The following PRKCB variants were observed in gnomAD, a reference collection of about 807,000 sequenced individuals.
The protein encoded by PRKCB is protein kinase C beta.
In PRKCB, 13 loss-of-function variants were observed where a neutral mutation model predicts 81.5. The observed-to-expected ratio is 0.16, with a 90% CI of 0.10 to 0.25. The LOEUF is 0.25. Ranked by LOEUF, PRKCB falls within the 10% of genes least tolerant of loss-of-function variation. The pLI is 1.00. For missense variants in PRKCB, 509 were observed against 875.7 expected (o/e 0.58, Z 5.29); for synonymous variants, 335 against 321.4 (o/e 1.04, Z -0.45).
Position 23,882,008 on chromosome 16 carries a change from T to TTCTTTCTTTCTTTCTTTC in PRKCB, c.205+44618_205+44619insTCTCTTTCTTTCTTTCTT, listed in dbSNP as rs1555481663. ...TTTCTTTCTTTCTTTCTTTCTTTCT[T>TTCTTTCTTTCTTTCTTTC]TCTTTCTTTCTTTCTTCCTTCCTTC... On this transcript the variant is annotated intron_variant, in intron 2 of 16. Transcript: ENST00000643927. Among the ~76,000 whole-genome samples the TTCTTTCTTTCTTTCTTTC allele has an allele frequency of 1.1e-4, 11 of 97,912 alleles. 1 individual carries two copies. Among genetic ancestry groups the TTCTTTCTTTCTTTCTTTC allele is most frequent in the African/African-American group, 2.3e-4 (6 of 25,768 alleles). The allele number at this position is 97,912 out of a possible 152,430, so 64.2% of individuals were successfully genotyped here.
chr16:24,042,676 T>C (rs1965716245), intron 5 of PRKCB, among the ~76,000 whole-genome samples: 1 of 151,684 alleles, frequency 6.6e-6, no homozygotes, highest in Non-Finnish European at 1.5e-5. Context: ...ATTCAAAATT[T>C]ACTTGTAGGG....
At chr16:23,985,845 G>A (rs1964796703) in intron 2 of PRKCB, among the ~76,000 whole-genome samples, 5 of 152,120 alleles carry the variant, frequency 3.3e-5, no homozygotes. Context: ...TATAATTAAA[G>A]CCCATATTGC....
chr16:23,963,050 C>A (rs2141792817), intron 2 of PRKCB: 1 of 152,206 alleles, frequency 6.6e-6, no homozygotes, highest in East Asian at 1.9e-4. Context: ...CCAACTTCAT[C>A]CAAGGTGCTG....
intron 13 of PRKCB, among the ~76,000 whole-genome samples, chr16:24,184,731 A>G (rs1967677266): frequency 6.6e-6 from 1 of 152,250 alleles, no homozygotes; most frequent in African/African-American, 2.4e-5. Flanking sequence ...TTTTAAAAAC[A>G]TGTAACGTAA....
chr16:23,900,258 T>A (rs1963449389), intron 2 of PRKCB, among the ~76,000 whole-genome samples: 1 of 152,168 alleles, frequency 6.6e-6, no homozygotes, highest in Non-Finnish European at 1.5e-5. Flanking sequence ...ACCACTTCCA[T>A]AAAGCCGAGA....
chr16:24,002,797 G>A (rs940637048), intron 3 of PRKCB, among the ~76,000 whole-genome samples: 4 of 152,138 alleles, frequency 2.6e-5, no homozygotes, highest in African/African-American at 7.2e-5. Flanking sequence ...CCATTGTGCA[G>A]TCTACCACAC....
intron 2 of PRKCB, among the ~76,000 whole-genome samples, chr16:23,883,589 G>A (rs1264307255): frequency 6.6e-6 from 1 of 152,206 alleles, no homozygotes; most frequent in South Asian, 2.1e-4. Flanking sequence ...TGGAGCAGAA[G>A]TGGGAGGATG....
intron 3 of PRKCB, among the ~76,000 whole-genome samples, chr16:24,003,371 C>T (rs1965066719): frequency 6.9e-6 from 1 of 145,836 alleles, no homozygotes; most frequent in Non-Finnish European, 1.5e-5. Context: ...AGGAATTAGC[C>T]TTCTTCCTGC....
chr16:23,894,066 T>C (rs1408204491), intron 2 of PRKCB, among the ~76,000 whole-genome samples: 1 of 152,242 alleles, frequency 6.6e-6, no homozygotes, highest in African/African-American at 2.4e-5. Context: ...TGGTTACTTA[T>C]GCATTTGCAA....
chr16:23,989,167 G>C (rs144286711), intron 3 of PRKCB, among the ~76,000 whole-genome samples: 1 of 152,070 alleles, frequency 6.6e-6, no homozygotes, highest in African/African-American at 2.4e-5. Flanking sequence ...GGGTTTCACC[G>C]TGTTAGACAG....
intron 5 of PRKCB, among the ~76,000 whole-genome samples, chr16:24,058,659 G>T (rs9930905): frequency 8.0e-4 from 121 of 151,910 alleles, no homozygotes; most frequent in African/African-American, 2.7e-3. Flanking sequence ...CATGAGAGAA[G>T]CATGAATGTT....
chr16:24,144,585 G>A (rs1966960515), intron 9 of PRKCB, among the ~76,000 whole-genome samples: 1 of 152,250 alleles, frequency 6.6e-6, no homozygotes, highest in East Asian at 1.9e-4. Context: ...ACAGGCATGA[G>A]CCACCAAGCC....
intron 2 of PRKCB, among the ~76,000 whole-genome samples, chr16:23,940,626 A>G (rs1257463987): frequency 6.6e-6 from 1 of 152,060 alleles, no homozygotes. Context: ...AATCATATAT[A>G]TAGATCATAT....
intron 3 of PRKCB, among the ~76,000 whole-genome samples, chr16:24,016,719 A>G (rs944298403): frequency 2.0e-5 from 3 of 152,138 alleles, no homozygotes; most frequent in African/African-American, 7.2e-5. Flanking sequence ...GAAGGCTCAA[A>G]TTACATGTGA....
chr16:24,068,142 C>T (rs368003508), intron 5 of PRKCB, among the ~76,000 whole-genome samples: 9 of 152,224 alleles, frequency 5.9e-5, no homozygotes, highest in African/African-American at 1.9e-4. Flanking sequence ...TGCCAGGGCC[C>T]TCCTTTTAAC....
intron 2 of PRKCB, among the ~76,000 whole-genome samples, chr16:23,938,610 T>A (rs1193934053): frequency 2.0e-5 from 3 of 152,208 alleles, no homozygotes; most frequent in African/African-American, 7.2e-5. Flanking sequence ...GACTGGGAAG[T>A]AGATAACATA....
At chr16:23,952,755 A>G (rs1004438289) in intron 2 of PRKCB, among the ~76,000 whole-genome samples, 5 of 152,286 alleles carry the variant, frequency 3.3e-5, no homozygotes, top group African/African-American at 1.2e-4. Flanking sequence ...GACCCAAATA[A>G]TCTGAAATGT....
chr16:23,889,354 C>A (rs572802178), intron 2 of PRKCB, among the ~76,000 whole-genome samples: 9 of 152,324 alleles, frequency 5.9e-5, no homozygotes, highest in African/African-American at 2.2e-4. Context: ...ATAACAGAGC[C>A]TACCTTACGG....
intron 8 of PRKCB, among the ~76,000 whole-genome samples, chr16:24,123,352 G>A (rs1276114976): frequency 1.3e-5 from 2 of 152,208 alleles, no homozygotes; most frequent in Non-Finnish European, 2.9e-5. Flanking sequence ...CCCTAGCAAT[G>A]ATGGAGCTGG....
Sources: allele counts gnomAD v4.1 joint callset (sites outside exome capture counted in the v4.1 genomes callset), GRCh38; gene constraint gnomAD v4.1.1; transcripts MANE v1.5; gene names NCBI Gene and HGNC (gene_info 2026-07-23, HGNC 2026-07-21).